Variants in CEP135 observed in about 807,000 individuals in gnomAD.
The protein encoded by CEP135 is centrosomal protein 135.
A neutral mutation model predicts 157.3 loss-of-function variants in CEP135; 142 were observed. The observed-to-expected ratio is 0.90, with a 90% CI of 0.79 to 1.04. CEP135 has a LOEUF of 1.04. Ranked by LOEUF, CEP135 falls within the 50% of genes least tolerant of loss-of-function variation. CEP135 has a pLI of 0.00. For missense variants in CEP135, 1,317 were observed against 1,309.2 expected (o/e 1.01, Z -0.09); for synonymous variants, 396 against 439.8 (o/e 0.90, Z 1.25).
intron 4 of CEP135, 129 bp from the exon 5 acceptor site, chr4:55,957,094 G>A (rs1728531721): frequency 1.1e-6 from 1 of 926,148 alleles, no homozygotes; most frequent in Non-Finnish European, 1.6e-6. Context: ...TATTGATGGA[G>A]AAAATATTTT....
chr4:55,976,879 G>A (rs1391228346), intron 11 of CEP135, among the ~76,000 whole-genome samples: 1 of 152,130 alleles, frequency 6.6e-6, no homozygotes. Context: ...GCATGATCTT[G>A]TCTCACAGCA....
At chr4:56,004,505 G>A (rs1432045065) in intron 17 of CEP135, among the ~76,000 whole-genome samples, 3 of 152,156 alleles carry the variant, frequency 2.0e-5, no homozygotes, top group Non-Finnish European at 2.9e-5. Flanking sequence ...TAGTGGGGTG[G>A]TGAAGTCCCC....
intron 6 of CEP135, among the ~76,000 whole-genome samples, chr4:55,962,321 C>T (rs1372130685): frequency 6.6e-6 from 1 of 152,108 alleles, no homozygotes; most frequent in Non-Finnish European, 1.5e-5. Flanking sequence ...AGGATGGTAT[C>T]GATCTCCTGA....
intron 14 of CEP135, among the ~76,000 whole-genome samples, chr4:55,990,499 T>C (rs1390394583): frequency 1.3e-5 from 2 of 152,146 alleles, no homozygotes; most frequent in African/African-American, 4.8e-5. Context: ...CCTACACTTA[T>C]TTATTTATTT....
intron 15 of CEP135, among the ~76,000 whole-genome samples, chr4:55,997,988 C>T (rs899217127): frequency 1.3e-5 from 2 of 152,218 alleles, no homozygotes; most frequent in Non-Finnish European, 2.9e-5. Flanking sequence ...ACTTGACTCT[C>T]CTCCCTACCT....
At chr4:56,018,015 G>A (rs1730840496) in intron 22 of CEP135, among the ~76,000 whole-genome samples, 158 bp downstream of exon 22, 1 of 151,946 alleles carries the variant, frequency 6.6e-6, no homozygotes, top group South Asian at 2.1e-4. Flanking sequence ...GGCTGGTGGA[G>A]TTCAGTGGTG....
At chr4:55,960,497 G>T (rs1010099330) in intron 6 of CEP135, 1 of 152,122 alleles carries the variant, frequency 6.6e-6, no homozygotes, top group Non-Finnish European at 1.5e-5. Flanking sequence ...GTTAAATTGG[G>T]TAACATGTTT....
intron 4 of CEP135, among the ~76,000 whole-genome samples, chr4:55,955,889 C>T (rs1436807786): frequency 1.3e-5 from 2 of 151,318 alleles, no homozygotes; most frequent in Non-Finnish European, 3.0e-5. Flanking sequence ...AAGTGTGGGC[C>T]CTGGTGGAGA....
intron 24 of CEP135, 94 bp from the exon 25 acceptor site, chr4:56,024,407 T>G (rs1167687062): frequency 1.9e-5 from 15 of 797,204 alleles, no homozygotes; most frequent in Non-Finnish European, 2.9e-5. Context: ...AAGTAATTTA[T>G]TACAAATTAG....
chr4:55,996,892 A>T (rs1304948451), intron 15 of CEP135, among the ~76,000 whole-genome samples: 1 of 152,162 alleles, frequency 6.6e-6, no homozygotes, highest in Non-Finnish European at 1.5e-5. Flanking sequence ...TGTCCCCTAA[A>T]TGAGATCATG....
At chr4:55,990,674 A>C (rs1396298133) in intron 14 of CEP135, among the ~76,000 whole-genome samples, 1 of 151,852 alleles carries the variant, frequency 6.6e-6, no homozygotes, top group Non-Finnish European at 1.5e-5. Context: ...TTTAAAAAAA[A>C]AATTTTATTG....
In CEP135 at chr4:56,004,889, CA is replaced by C. The variant is rs566135951; in HGVS notation, c.2281-3437del. Among the ~76,000 whole-genome samples, 281 of 147,906 alleles carry C rather than the reference CA, an allele frequency of 1.9e-3. 2 individuals carry two copies. The highest frequency in any genetic ancestry group is 6.7e-3 in the African/African-American group (272 of 40,366). ...TTTTAATTGGAGAATGGAGTTAGTT[CA>C]GTGTTGTAATTGATATGTAAGGACT... On this transcript the variant is annotated intron_variant, in intron 17 of 25. Transcript: ENST00000257287.
chr4:55,974,595 C>T (rs1729131270), intron 10 of CEP135, 151 bp from the exon 11 acceptor site: 7 of 554,016 alleles, frequency 1.3e-5, no homozygotes, highest in South Asian at 1.0e-4. Flanking sequence ...CAATATTTAC[C>T]TCTTCAATAG....
chr4:55,956,913 C>T (rs554296022), intron 4 of CEP135, among the ~76,000 whole-genome samples: 3 of 152,070 alleles, frequency 2.0e-5, no homozygotes, highest in Admixed American at 6.5e-5. Flanking sequence ...CATACCTGGC[C>T]GCATTCAGCT....
At position 56,002,353 on chromosome 4, in the gene CEP135, G is replaced by A. The variant is rs150174310; in HGVS notation, c.2280+2708G>A. On this transcript the variant is annotated intron_variant, in intron 17 of 25. Transcript: ENST00000257287. ...GAGGAGAGGCTTTCAAGTTTTCCCC[G>A]TTCAATATTATGTTGGCCCTAGGGT... is the stretch of plus-strand genomic sequence containing the variant. 2.8e-3 allele frequency among the ~76,000 whole-genome samples: 421 copies of A among 152,024 alleles called. 2 individuals are homozygous for A. Among genetic ancestry groups the A allele is most frequent in the African/African-American group, 8.8e-3 (365 of 41,516 alleles).
At chr4:55,975,897 CAT>C (rs1729194805) in intron 11 of CEP135, among the ~76,000 whole-genome samples, 1 of 152,134 alleles carries the variant, frequency 6.6e-6, no homozygotes, top group South Asian at 2.1e-4. Flanking sequence ...TTTTTAACCT[CAT>C]AGGCTAATGG....
intron 13 of CEP135, among the ~76,000 whole-genome samples, chr4:55,984,829 T>C (rs996233748): frequency 1.3e-5 from 2 of 152,204 alleles, no homozygotes; most frequent in African/African-American, 2.4e-5. Context: ...CAGCCCCTTA[T>C]TGAAACTCGC....
rs1007233722 is a variant in CEP135 at position 56,013,917 on chromosome 4, T to G, written c.2802+1932T>G. Reference sequence around the variant, plus strand: ...CCCTAAGACCAATGGACTGATGTCTTTATAGGACAATGGATATTTGGACAC... The same window carrying G: ...CCCTAAGACCAATGGACTGATGTCTGTATAGGACAATGGATATTTGGACAC... On this transcript the variant is annotated intron_variant, in intron 21 of 25. Coordinates refer to ENST00000257287, the MANE Select transcript of CEP135 (RefSeq NM_025009.5). 3.9e-5 allele frequency among the ~76,000 whole-genome samples: 6 copies of G among 152,056 alleles called. No homozygotes were observed. In the South Asian group the frequency reaches 1.2e-3, roughly 32 times the overall value.
Position 56,009,351 on chromosome 4 carries a change from A to C in CEP135, c.2337-384A>C, listed in dbSNP as rs1730484831. ...ATTTTTTTTTGTATTTTTAGTAGAG[A>C]CGGGGTTTCACCGTGTTAGCCAGGA... On this transcript the variant is annotated intron_variant, in intron 18 of 25. Transcript: ENST00000257287. 1.3e-5 allele frequency among the ~76,000 whole-genome samples: 2 copies of C among 151,792 alleles called. 1 individual carries two copies. The highest frequency in any genetic ancestry group is 4.2e-4 in the South Asian group (2 of 4,804).
Sources: allele counts gnomAD v4.1 joint callset (sites outside exome capture counted in the v4.1 genomes callset), GRCh38; gene constraint gnomAD v4.1.1; transcripts MANE v1.5; gene names NCBI Gene and HGNC (gene_info 2026-07-23, HGNC 2026-07-21).